The following CPNE4 variants were observed in gnomAD, a reference collection of about 807,000 sequenced individuals.
The protein encoded by CPNE4 is copine 4, also known as copine-4.
In CPNE4, 25 loss-of-function variants were observed where a neutral mutation model predicts 67.9. The ratio of observed to expected loss-of-function variants is 0.37; its 90% CI spans 0.27 to 0.51. The LOEUF (loss-of-function observed/expected upper bound fraction) is 0.51, where lower values mean the gene tolerates loss of function less well. Among genes scored for constraint, CPNE4 ranks in the 20% least tolerant of loss-of-function variants. The probability of loss-of-function intolerance (pLI) is 0.93; values close to 1 mark genes in which losing one functional copy is unlikely to be tolerated. For missense variants in CPNE4, 464 were observed against 690.8 expected (o/e 0.67, Z 3.68); for synonymous variants, 242 against 244.9 (o/e 0.99, Z 0.11).
rs376762634 is a variant in CPNE4 at position 131,577,777 on chromosome 3, G to A, written c.868-2647C>T. Among the ~76,000 whole-genome samples, 213 of 152,080 alleles carry A rather than the reference G, an allele frequency of 1.4e-3. 4 individuals are homozygous for A. In the South Asian group the frequency reaches 0.019, roughly 13 times the overall value. On this transcript the variant is annotated intron_variant, in intron 9 of 15. Coordinates refer to ENST00000429747, the MANE Select transcript of CPNE4 (RefSeq NM_130808.3). The stretch of plus-strand genomic sequence containing the variant: ...ACACTGAATTTGTTTAAAAAATAAA[G>A]TAATTGCATTACAATGGCTATGAGT...
intron 2 of CPNE4, among the ~76,000 whole-genome samples, chr3:131,801,374 TATATATATATATGGTACATATATATATA>T: frequency 1.0e-5 from 1 of 99,744 alleles, no homozygotes; most frequent in Non-Finnish European, 2.0e-5. Context: ...ATATGTACCA[TATATATATATATGGTACATATATATATA>T]GGTACATATA....
At chr3:131,648,858 C>T (rs55908862) in intron 7 of CPNE4, among the ~76,000 whole-genome samples, 12,834 of 152,144 alleles carry the variant, frequency 0.084, 668 homozygotes, top group African/African-American at 0.14. Context: ...AGCTCTGGAC[C>T]ATGCCCACAG....
At chr3:132,032,208 T>A (rs9289410) in intron 1 of CPNE4, among the ~76,000 whole-genome samples, 1 of 152,232 alleles carries the variant, frequency 6.6e-6, no homozygotes, top group African/African-American at 2.4e-5. Flanking sequence ...TTTAGGAATT[T>A]TAGTAAAGCA....
chr3:131,950,778 C>T (rs1435436917), intron 1 of CPNE4, among the ~76,000 whole-genome samples: 2 of 152,204 alleles, frequency 1.3e-5, no homozygotes, highest in African/African-American at 2.4e-5. Context: ...ACCTATTTCA[C>T]TTCTACCCTA....
At chr3:131,721,509 C>A (rs1320128673) in intron 3 of CPNE4, among the ~76,000 whole-genome samples, 1 of 151,592 alleles carries the variant, frequency 6.6e-6, no homozygotes, top group Non-Finnish European at 1.5e-5. Context: ...CATCCTCCTG[C>A]CTCAGCCTCA....
chr3:131,919,280 A>C (rs1295598157), intron 1 of CPNE4, among the ~76,000 whole-genome samples: 1 of 152,170 alleles, frequency 6.6e-6, no homozygotes, highest in East Asian at 1.9e-4. Context: ...TGAATGAGTA[A>C]ATTAGAAATA....
At chr3:131,801,401 TAG>T (rs1491362308) in intron 2 of CPNE4, among the ~76,000 whole-genome samples, 31 of 99,648 alleles carry the variant, frequency 3.1e-4, no homozygotes, top group Non-Finnish European at 3.8e-4. Context: ...CATATATATA[TAG>T]GTACATATAT....
chr3:132,023,843 A>G (rs894086924), intron 1 of CPNE4, among the ~76,000 whole-genome samples: 1 of 152,160 alleles, frequency 6.6e-6, no homozygotes, highest in Non-Finnish European at 1.5e-5. Flanking sequence ...CTAAGGCTTA[A>G]AAGAAGCCCT....
At chr3:131,877,032 G>A (rs2087489385) in intron 2 of CPNE4, among the ~76,000 whole-genome samples, 2 of 151,286 alleles carry the variant, frequency 1.3e-5, no homozygotes, top group Non-Finnish European at 2.9e-5. Context: ...CACCAAACCG[G>A]CATCCTTCTC....
intron 1 of CPNE4, among the ~76,000 whole-genome samples, chr3:131,969,396 T>A (rs1259378856): frequency 1.3e-5 from 2 of 152,090 alleles, no homozygotes; most frequent in Admixed American, 1.3e-4. Context: ...TGGCAAAAAC[T>A]ACAATTACTT....
intron 2 of CPNE4, among the ~76,000 whole-genome samples, chr3:131,866,241 T>TC (rs5852660): frequency 0.98 from 149,459 of 152,312 alleles, 73,412 homozygotes; most frequent in Middle Eastern, 1. Flanking sequence ...TGAGAGAGTC[T>TC]CCACAACAGT....
chr3:131,561,611 G>A (rs1664916817), intron 11 of CPNE4, among the ~76,000 whole-genome samples: 1 of 151,930 alleles, frequency 6.6e-6, no homozygotes, highest in African/African-American at 2.4e-5. Context: ...ACTGTACAAG[G>A]CAAAAAGAAA....
intron 2 of CPNE4, among the ~76,000 whole-genome samples, chr3:131,808,912 A>G (rs1230294377): frequency 6.6e-6 from 1 of 152,208 alleles, no homozygotes; most frequent in Non-Finnish European, 1.5e-5. Flanking sequence ...TTTCCAGAAG[A>G]TACTTCACCC....
intron 2 of CPNE4, among the ~76,000 whole-genome samples, chr3:131,800,200 A>G (rs920983553): frequency 2.6e-5 from 4 of 151,996 alleles, no homozygotes; most frequent in African/African-American, 9.7e-5. Context: ...TACCTATCCA[A>G]TGTGTACCTC....
intron 1 of CPNE4, among the ~76,000 whole-genome samples, chr3:131,931,537 G>T (rs1583470940): frequency 6.6e-6 from 1 of 152,044 alleles, no homozygotes; most frequent in African/African-American, 2.4e-5. Context: ...ACCAAGGAAA[G>T]TTGTGCAATT....
At chr3:131,692,017 G>A (rs1253587424) in intron 5 of CPNE4, among the ~76,000 whole-genome samples, 1 of 152,046 alleles carries the variant, frequency 6.6e-6, no homozygotes, top group Non-Finnish European at 1.5e-5. Context: ...GAATGAATAG[G>A]GCATTTTACT....
chr3:131,639,818 A>G (rs2079493729), intron 7 of CPNE4, among the ~76,000 whole-genome samples: 2 of 152,322 alleles, frequency 1.3e-5, no homozygotes, highest in East Asian at 3.9e-4. Context: ...ACCATTATCA[A>G]GTGGGTTTCA....
intron 4 of CPNE4, among the ~76,000 whole-genome samples, chr3:131,699,595 C>T (rs1329612450): frequency 2.0e-5 from 3 of 152,242 alleles, no homozygotes; most frequent in African/African-American, 4.8e-5. Context: ...ATTCCGTAAT[C>T]TCACTGTGCT....
chr3:131,857,799 CTAAT>C (rs1432058377), intron 2 of CPNE4, among the ~76,000 whole-genome samples: 1 of 151,964 alleles, frequency 6.6e-6, no homozygotes, highest in Non-Finnish European at 1.5e-5. Flanking sequence ...TACTCCTAGA[CTAAT>C]TACGTTGTAG....
Sources: allele counts gnomAD v4.1 joint callset (sites outside exome capture counted in the v4.1 genomes callset), GRCh38; gene constraint gnomAD v4.1.1; transcripts MANE v1.5; gene names NCBI Gene and HGNC (gene_info 2026-07-23, HGNC 2026-07-21).